Variants in MYO18B observed in about 807,000 individuals in gnomAD.
MYO18B encodes the protein myosin XVIIIB, also known as unconventional myosin-XVIIIb.
A neutral mutation model predicts 273.0 loss-of-function variants in MYO18B; 204 were observed. That is an observed-to-expected ratio of 0.75 (90% CI 0.67 to 0.84). The LOEUF (loss-of-function observed/expected upper bound fraction) is 0.84. Ranked by LOEUF, MYO18B falls within the 40% of genes least tolerant of loss-of-function variation. The pLI is 0.00. For synonymous variants in MYO18B, 1,330 were observed against 1,305.7 expected (o/e 1.02, Z -0.40); for missense variants, 3,212 against 3,287.6 (o/e 0.98, Z 0.56).
chr22:25,811,063 G>T (rs1044168582), intron 12 of MYO18B, among the ~76,000 whole-genome samples: 1 of 151,678 alleles, frequency 6.6e-6, no homozygotes, highest in African/African-American at 2.4e-5. Context: ...GCCCAGGCTG[G>T]AGTGCAGTGG....
intron 11 of MYO18B, 100 bp from the exon 12 acceptor site, chr22:25,797,853 C>G (rs2087990221): frequency 6.5e-7 from 1 of 1,529,874 alleles, no homozygotes; most frequent in Non-Finnish European, 9.0e-7. Flanking sequence ...AATAAAATGA[C>G]CCCCGCATTC....
chr22:25,758,788 C>T (rs1372340121), intron 1 of MYO18B, among the ~76,000 whole-genome samples: 2 of 149,910 alleles, frequency 1.3e-5, no homozygotes, highest in Non-Finnish European at 3.0e-5. Flanking sequence ...GACAGAGTCT[C>T]ACTCTGTTGC....
At position 25,786,290 on chromosome 22, in the gene MYO18B, C is replaced by T. The variant is rs372601728; in HGVS notation, c.2376+799C>T. Among the ~76,000 whole-genome samples the T allele has an allele frequency of 2.6e-5, 4 of 152,152 alleles. No individual in the cohort carries two copies. The South Asian group carries it at 6.2e-4, about 24-fold the overall frequency. The stretch of plus-strand genomic sequence containing the variant: ...ATGTCAGAGGTTGCATGAAATGCTG[C>T]GGGCACCACAAGATAGCTGATAGAG... On this transcript the variant is annotated intron_variant, in intron 11 of 43. Coordinates refer to ENST00000335473, the MANE Select transcript of MYO18B (RefSeq NM_032608.7).
At position 25,760,423 on chromosome 22, in the gene MYO18B, A is replaced by AC. The variant is rs2086269196; in HGVS notation, c.-109-561_-109-560insC. 2.7e-5 allele frequency among the ~76,000 whole-genome samples: 4 copies of AC among 149,488 alleles called. No homozygotes were observed. The Admixed American group carries it at 2.7e-4, about 10-fold the overall frequency. On this transcript the variant is annotated intron_variant, in intron 1 of 43. Transcript: ENST00000335473. ...CAAGACTCCATCTCAAAAAAAAAAA[A>AC]AAAAAAAAAAACACAAAAACAAATA... is the stretch of plus-strand genomic sequence containing the variant.
chr22:25,856,032 C>T (rs1555913680), intron 21 of MYO18B, among the ~76,000 whole-genome samples: 1 of 152,118 alleles, frequency 6.6e-6, no homozygotes, highest in Non-Finnish European at 1.5e-5. Flanking sequence ...ACCCTGCTTT[C>T]AGTTTTTTGG....
rs9613031 is a variant in MYO18B, at chr22:25,877,687, C to T, written c.4225-272C>T. Among the ~76,000 whole-genome samples, 64,365 of 151,794 alleles carry T rather than the reference C, an allele frequency of 0.42. 14,297 individuals are homozygous for T. The highest frequency in any genetic ancestry group is 0.57 in the Admixed American group (8,615 of 15,246). On this transcript the variant is annotated intron_variant, in intron 24 of 43. Coordinates refer to ENST00000335473, the MANE Select transcript of MYO18B (RefSeq NM_032608.7). ...TTCTCCATGTTGGTCAGGCTGGTCTCGAACTCCTGACCTCAGGTGATCCGC... is the reference window on the plus strand; with the variant it reads ...TTCTCCATGTTGGTCAGGCTGGTCTTGAACTCCTGACCTCAGGTGATCCGC...
In MYO18B at chr22:25,895,230, G is replaced by T. The variant is rs750092584; in HGVS notation, c.4618G>T (p.Glu1540Ter). The change falls in exon 28 of 44, where the codon GAG (glutamate) becomes TAG (stop). Residue 1540 changes from glutamate to a stop codon, truncating the protein, a stop_gained. Transcript: ENST00000335473. LOFTEE classifies it high-confidence loss of function. ...CCTCAGAAAGCGTCTGCAGCAATGC[G>T]AGGAGAGGCTGGACTCGGAGCTGAC... is the stretch of plus-strand genomic sequence containing the variant. ...EFLRKRLQQC[E>*]ERLDSELTAR... The T allele has an allele frequency of 6.2e-7, 1 of 1,609,150 alleles. No homozygotes were observed. The highest frequency in any genetic ancestry group is 8.5e-7 in the Non-Finnish European group (1 of 1,177,760).
intron 7 of MYO18B, 43 bp downstream of exon 7, chr22:25,772,553 AGGGGGGCCT>A: frequency 6.3e-7 from 1 of 1,578,514 alleles, no homozygotes; most frequent in Non-Finnish European, 8.6e-7. Flanking sequence ...GGCTGAGGGC[AGGGGGGCCT>A]GGGGGGATCC....
intron 40 of MYO18B, among the ~76,000 whole-genome samples, chr22:25,995,914 C>T (rs892121653): frequency 2.0e-5 from 3 of 152,168 alleles, no homozygotes; most frequent in African/African-American, 7.2e-5. Flanking sequence ...TAACACCTGT[C>T]TCATAGCTGG....
intron 1 of MYO18B, among the ~76,000 whole-genome samples, chr22:25,755,565 A>G (rs895577310): frequency 6.6e-6 from 1 of 152,078 alleles, no homozygotes; most frequent in South Asian, 2.1e-4. Context: ...GTTCCCTCCA[A>G]ATCTCATGTT....
intron 40 of MYO18B, among the ~76,000 whole-genome samples, chr22:25,999,201 G>C (rs539652926): frequency 2.4e-4 from 37 of 152,250 alleles, no homozygotes; most frequent in African/African-American, 7.7e-4. Context: ...TGTCCAGGCT[G>C]ACCCCATAAC....
intron 7 of MYO18B, among the ~76,000 whole-genome samples, chr22:25,777,212 C>A (rs559548306): frequency 2.0e-5 from 3 of 152,348 alleles, no homozygotes; most frequent in African/African-American, 7.2e-5. Flanking sequence ...GCAGACATCA[C>A]TAATCGTAAT....
intron 11 of MYO18B, among the ~76,000 whole-genome samples, chr22:25,796,982 C>T (rs1193927971): frequency 1.3e-5 from 2 of 152,190 alleles, no homozygotes; most frequent in South Asian, 2.1e-4. Flanking sequence ...AATCCCAGCA[C>T]TTTGGGAGGC....
chr22:25,921,798 A>G (rs1313052367), intron 34 of MYO18B, among the ~76,000 whole-genome samples: 1 of 130,788 alleles, frequency 7.6e-6, no homozygotes, highest in Non-Finnish European at 1.6e-5. Flanking sequence ...AGGACTAGGT[A>G]TGAGCCAAAT....
intron 1 of MYO18B, among the ~76,000 whole-genome samples, chr22:25,742,992 C>G (rs940500920): frequency 9.2e-5 from 14 of 152,354 alleles, no homozygotes; most frequent in Admixed American, 9.1e-4. Flanking sequence ...ACATGGAGCT[C>G]TCTCCCAGGA....
chr22:26,043,101 C>T, the MYO18B span, among the ~76,000 whole-genome samples: 2 of 152,282 alleles, frequency 1.3e-5, no homozygotes, highest in South Asian at 2.1e-4. Flanking sequence ...TGATTTGTAT[C>T]GTCATAGGTT....
intron 40 of MYO18B, among the ~76,000 whole-genome samples, chr22:25,994,807 G>A (rs1456485679): frequency 6.6e-6 from 1 of 152,198 alleles, no homozygotes; most frequent in African/African-American, 2.4e-5. Context: ...TCCATTCATA[G>A]AAACAATAGA....
the MYO18B span, among the ~76,000 whole-genome samples, chr22:26,055,307 C>T: frequency 6.6e-6 from 1 of 152,170 alleles, no homozygotes; most frequent in African/African-American, 2.4e-5. Context: ...TCATCTATCT[C>T]GGGCTTTTAA....
In MYO18B at chr22:25,874,525, G is replaced by A. The variant is rs953950000; in HGVS notation, c.4080+111G>A. 3 of 1,309,020 alleles carry A rather than the reference G, an allele frequency of 2.3e-6. No homozygotes were observed. In the African/African-American group the frequency reaches 4.5e-5, roughly 19 times the overall value. The allele number at this position is 1,309,020 out of a possible 1,614,324, so 81.1% of individuals were successfully genotyped here. A position where few individuals can be genotyped will look rare whatever the true frequency, so the allele number is the denominator to read the frequency against. The stretch of plus-strand genomic sequence containing the variant: ...TGCACCGGGTCCAAGGATCCAACCT[G>A]AGCAGTGAGACTTTAAGTGAGGCTT... On this transcript the variant is annotated intron_variant, in intron 23 of 43. Transcript: ENST00000335473.
Sources: gnomAD v4.1 joint callset for allele counts (sites outside exome capture counted in the v4.1 genomes callset) on GRCh38, gnomAD v4.1.1 for gene constraint, MANE v1.5 for transcripts, NCBI Gene and HGNC (gene_info 2026-07-23, HGNC 2026-07-21) for gene names.